DSCAM: variants seen among roughly 807,000 people sequenced by gnomAD.
DSCAM encodes the protein DS cell adhesion molecule, also known as cell adhesion molecule DSCAM.
Under a neutral mutation model 217.7 loss-of-function variants are expected in DSCAM, and 47 were observed. The observed-to-expected ratio is 0.22, with a 90% CI of 0.17 to 0.28. The LOEUF is 0.28. Ranked by LOEUF, DSCAM falls within the 10% of genes least tolerant of loss-of-function variation. The pLI is 1.00. For synonymous variants in DSCAM, 1,056 were observed against 1,015.3 expected (o/e 1.04, Z -0.76); for missense variants, 2,080 against 2,618.3 (o/e 0.79, Z 4.49).
intron 10 of DSCAM, among the ~76,000 whole-genome samples, chr21:40,287,998 G>C (rs796826050): frequency 2.3e-4 from 35 of 152,322 alleles, no homozygotes; most frequent in African/African-American, 8.2e-4. Context: ...GGAAGAAATA[G>C]AGTCACACAC....
intron 3 of DSCAM, among the ~76,000 whole-genome samples, chr21:40,675,715 A>G (rs1441927580): frequency 2.0e-5 from 3 of 152,342 alleles, no homozygotes; most frequent in South Asian, 4.1e-4. Context: ...CATCCTATAT[A>G]ATAACCTGAT....
intron 1 of DSCAM, among the ~76,000 whole-genome samples, chr21:40,783,182 A>G (rs142104481): frequency 1.3e-5 from 2 of 152,322 alleles, no homozygotes; most frequent in African/African-American, 4.8e-5. Flanking sequence ...CATTGCTGAG[A>G]CTGTTACATA....
At chr21:40,633,554 G>A (rs2089719397) in intron 3 of DSCAM, among the ~76,000 whole-genome samples, 1 of 152,224 alleles carries the variant, frequency 6.6e-6, no homozygotes, top group Admixed American at 6.5e-5. Flanking sequence ...TAAAGAATGT[G>A]TTAACTTCAA....
At chr21:40,517,328 T>C (rs975214781) in intron 3 of DSCAM, among the ~76,000 whole-genome samples, 3 of 150,324 alleles carry the variant, frequency 2.0e-5, no homozygotes, top group Non-Finnish European at 3.0e-5. Flanking sequence ...TCACCTTATA[T>C]ACTCTCTCTG....
intron 3 of DSCAM, among the ~76,000 whole-genome samples, chr21:40,452,453 AT>A (rs1249791367): frequency 6.6e-6 from 1 of 152,044 alleles, no homozygotes; most frequent in Non-Finnish European, 1.5e-5. Context: ...TTAAAGAGTG[AT>A]ATCGTATGCA....
chr21:40,555,947 G>A (rs1237219452), intron 3 of DSCAM, among the ~76,000 whole-genome samples: 2 of 152,150 alleles, frequency 1.3e-5, no homozygotes, highest in African/African-American at 4.8e-5. Flanking sequence ...CTCAACTGAG[G>A]TAGGGGGATT....
chr21:40,780,268 T>C (rs1044617100), intron 1 of DSCAM, among the ~76,000 whole-genome samples: 1 of 152,072 alleles, frequency 6.6e-6, no homozygotes, highest in Non-Finnish European at 1.5e-5. Context: ...CCCACCTGCA[T>C]ACTGGCATGA....
chr21:40,605,573 G>A (rs557710285), intron 3 of DSCAM, among the ~76,000 whole-genome samples: 51 of 152,114 alleles, frequency 3.4e-4, no homozygotes, highest in East Asian at 2.1e-3. Flanking sequence ...AACAAAATGC[G>A]AATAAGTGAA....
At chr21:40,102,614 T>C (rs1255679382) in intron 20 of DSCAM, among the ~76,000 whole-genome samples, 2 of 152,318 alleles carry the variant, frequency 1.3e-5, no homozygotes, top group East Asian at 3.9e-4. Context: ...GTTGATATAA[T>C]ATTTTTCTTT....
At chr21:40,627,756 C>T (rs956552942) in intron 3 of DSCAM, among the ~76,000 whole-genome samples, 3 of 152,148 alleles carry the variant, frequency 2.0e-5, no homozygotes, top group African/African-American at 7.2e-5. Flanking sequence ...GTGAAAGCTC[C>T]GATTTGGAGA....
At chr21:40,117,722 G>A (rs1270224591) in intron 20 of DSCAM, among the ~76,000 whole-genome samples, 2 of 152,168 alleles carry the variant, frequency 1.3e-5, no homozygotes, top group African/African-American at 2.4e-5. Flanking sequence ...AGTTTGTGGT[G>A]TGCGAGTACT....
At chr21:40,618,214 G>A (rs936682168) in intron 3 of DSCAM, among the ~76,000 whole-genome samples, 7 of 152,084 alleles carry the variant, frequency 4.6e-5, no homozygotes, top group Non-Finnish European at 4.4e-5. Flanking sequence ...GATGCCTATC[G>A]AAATGTGTGC....
At chr21:40,734,302 A>G (rs2091041494) in intron 1 of DSCAM, among the ~76,000 whole-genome samples, 1 of 152,214 alleles carries the variant, frequency 6.6e-6, no homozygotes, top group Admixed American at 6.5e-5. Context: ...CAGGAGGAAG[A>G]TAAGAAAAGG....
intron 3 of DSCAM, among the ~76,000 whole-genome samples, chr21:40,587,670 A>C (rs1248124645): frequency 6.6e-6 from 1 of 152,230 alleles, no homozygotes; most frequent in African/African-American, 2.4e-5. Flanking sequence ...ATGCTGCAGC[A>C]CAAGTTTTAG....
intron 20 of DSCAM, among the ~76,000 whole-genome samples, chr21:40,098,677 A>G (rs1203074747): frequency 6.6e-6 from 1 of 152,200 alleles, no homozygotes; most frequent in Non-Finnish European, 1.5e-5. Flanking sequence ...AATCTTCACT[A>G]TATCTCTTAA....
chr21:40,492,421 C>T (rs1475454654), intron 3 of DSCAM, among the ~76,000 whole-genome samples: 1 of 152,090 alleles, frequency 6.6e-6, no homozygotes, highest in African/African-American at 2.4e-5. Context: ...TATGATCTTT[C>T]TCACAAATAA....
intron 16 of DSCAM, among the ~76,000 whole-genome samples, chr21:40,145,031 G>A (rs957571816): frequency 2.6e-5 from 4 of 152,156 alleles, no homozygotes; most frequent in Non-Finnish European, 5.9e-5. Flanking sequence ...TGGGTGTTGG[G>A]CCCCAGAGCC....
chr21:40,320,733 C>T lies in DSCAM; in HGVS notation c.1784-8374G>A, dbSNP rs191784489. 2.2e-3 allele frequency among the ~76,000 whole-genome samples: 342 copies of T among 152,262 alleles called. 1 individual carries two copies. The highest frequency in any genetic ancestry group is 7.6e-3 in the African/African-American group (314 of 41,558). Reference sequence around the variant, plus strand: ...GCAAAAGCGGAAATCCCTGATAAAACCATCAGATCTCATAAGACTTATTCA... The same window carrying T: ...GCAAAAGCGGAAATCCCTGATAAAATCATCAGATCTCATAAGACTTATTCA... On this transcript the variant is annotated intron_variant, in intron 8 of 32. Transcript: ENST00000400454.
chr21:40,425,357 C>G (rs981247470), intron 3 of DSCAM, among the ~76,000 whole-genome samples: 35 of 152,078 alleles, frequency 2.3e-4, no homozygotes, highest in African/African-American at 8.2e-4. Flanking sequence ...GAAACCCCGT[C>G]TCTACTAAAA....
Sources: gnomAD v4.1 joint callset for allele counts (sites outside exome capture counted in the v4.1 genomes callset) on GRCh38, gnomAD v4.1.1 for gene constraint, MANE v1.5 for transcripts, NCBI Gene and HGNC (gene_info 2026-07-23, HGNC 2026-07-21) for gene names.